MAGI1: variants seen among roughly 807,000 people sequenced by gnomAD.
MAGI1 encodes membrane associated guanylate kinase, WW and PDZ domain containing 1, also known as membrane-associated guanylate kinase, WW and PDZ domain-containing protein 1.
In MAGI1, 58 loss-of-function variants were observed where a neutral mutation model predicts 139.9. That is an observed-to-expected ratio of 0.41 (90% confidence interval 0.34 to 0.52). The LOEUF is 0.52. Ranked by LOEUF, MAGI1 falls within the 20% of genes least tolerant of loss-of-function variation. The pLI is 0.12. For synonymous variants in MAGI1, 812 were observed against 737.9 expected (o/e 1.10, Z -1.63); for missense variants, 1,874 against 1,901.6 (o/e 0.99, Z 0.27).
chr3:65,625,432 C>A (rs1314479687), intron 1 of MAGI1, among the ~76,000 whole-genome samples: 2 of 152,112 alleles, frequency 1.3e-5, no homozygotes. Context: ...TTAAGCCAGA[C>A]GTGCCTACTT....
intron 2 of MAGI1, among the ~76,000 whole-genome samples, chr3:65,563,564 GA>G (rs2080470091): frequency 6.6e-6 from 1 of 152,200 alleles, no homozygotes. Context: ...ACCCTAGGGA[GA>G]AGTCCACATA....
At chr3:65,791,199 G>A (rs567099242) in intron 1 of MAGI1, among the ~76,000 whole-genome samples, 55 of 152,242 alleles carry the variant, frequency 3.6e-4, no homozygotes, top group Admixed American at 2.6e-3. Flanking sequence ...ACCTCTCTTC[G>A]CTCCAAGCCA....
intron 1 of MAGI1, among the ~76,000 whole-genome samples, chr3:65,773,770 C>G (rs1414278631): frequency 6.6e-6 from 1 of 152,186 alleles, no homozygotes; most frequent in Middle Eastern, 3.2e-3. Flanking sequence ...TTCTTTGTGT[C>G]TCAGACTGCC....
At chr3:65,991,338 C>CTGTAA (rs1218682545) in intron 1 of MAGI1, among the ~76,000 whole-genome samples, 1 of 143,770 alleles carries the variant, frequency 7.0e-6, no homozygotes, top group African/African-American at 2.6e-5. Context: ...GTTAATGATA[C>CTGTAA]TGTAATATAT....
Position 65,838,310 on chromosome 3 carries a change from C to G in MAGI1, c.313+199686G>C, listed in dbSNP as rs115885742. ...CTGGGTGACAGAGTGAGACTCAAAACAAAACAAAACAAAACAAAAACAAAA... is the reference window on the plus strand; with the variant it reads ...CTGGGTGACAGAGTGAGACTCAAAAGAAAACAAAACAAAACAAAAACAAAA... On this transcript the variant is annotated intron_variant, in intron 1 of 22. Coordinates refer to ENST00000402939, the MANE Select transcript of MAGI1 (RefSeq NM_001033057.2). Among the ~76,000 whole-genome samples, 1,038 of 152,036 alleles carry G rather than the reference C, an allele frequency of 6.8e-3. 9 individuals carry two copies. Among genetic ancestry groups the G allele is most frequent in the African/African-American group, 0.023 (973 of 41,452 alleles).
intron 12 of MAGI1, among the ~76,000 whole-genome samples, chr3:65,411,634 G>A (rs1232100885): frequency 6.6e-6 from 1 of 152,180 alleles, no homozygotes; most frequent in Non-Finnish European, 1.5e-5. Context: ...ACCTATCACT[G>A]TAATTGGTGC....
chr3:65,624,735 A>T (rs1431877828), intron 1 of MAGI1, among the ~76,000 whole-genome samples: 1 of 152,236 alleles, frequency 6.6e-6, no homozygotes, highest in Non-Finnish European at 1.5e-5. Flanking sequence ...AAGGACTTCT[A>T]CATGACTTCT....
chr3:65,974,065 AG>A (rs1186423830), intron 1 of MAGI1, among the ~76,000 whole-genome samples: 1 of 152,144 alleles, frequency 6.6e-6, no homozygotes, highest in African/African-American at 2.4e-5. Context: ...ATATTAAAAA[AG>A]GAAAGGTACA....
At chr3:65,896,988 C>T (rs1343794361) in intron 1 of MAGI1, among the ~76,000 whole-genome samples, 1 of 152,158 alleles carries the variant, frequency 6.6e-6, no homozygotes, top group Non-Finnish European at 1.5e-5. Flanking sequence ...TCCACAGATG[C>T]TCACATCTCT....
intron 1 of MAGI1, among the ~76,000 whole-genome samples, chr3:65,975,411 A>C (rs2107219449): frequency 6.6e-6 from 1 of 152,256 alleles, no homozygotes; most frequent in South Asian, 2.1e-4. Flanking sequence ...TAAGGCATAA[A>C]ATTTAAGAAA....
chr3:65,476,672 G>T (rs1950909744), intron 4 of MAGI1, among the ~76,000 whole-genome samples: 1 of 152,150 alleles, frequency 6.6e-6, no homozygotes, highest in Non-Finnish European at 1.5e-5. Context: ...GAACTGTTTT[G>T]CCGCACACTA....
At chr3:65,369,910 G>A (rs1337036609) in intron 18 of MAGI1, among the ~76,000 whole-genome samples, 1 of 152,168 alleles carries the variant, frequency 6.6e-6, no homozygotes, top group African/African-American at 2.4e-5. Flanking sequence ...GCCACTTGAT[G>A]AAGTAAATAT....
chr3:65,582,350 G>A (rs2081474708), intron 2 of MAGI1, among the ~76,000 whole-genome samples: 1 of 152,172 alleles, frequency 6.6e-6, no homozygotes, highest in Non-Finnish European at 1.5e-5. Flanking sequence ...CGTGGGAGAG[G>A]CTCGGCCCTG....
intron 1 of MAGI1, among the ~76,000 whole-genome samples, chr3:65,970,988 G>A (rs2064989599): frequency 6.6e-6 from 1 of 152,110 alleles, no homozygotes; most frequent in Non-Finnish European, 1.5e-5. Context: ...GCGGATCACG[G>A]GTACAAGAGA....
intron 1 of MAGI1, among the ~76,000 whole-genome samples, chr3:65,643,833 G>A (rs909820057): frequency 7.9e-5 from 12 of 152,108 alleles, no homozygotes; most frequent in African/African-American, 2.9e-4. Context: ...ATTGAATGGG[G>A]AGCTTAGAAT....
chr3:65,793,230 G>A (rs2108080121), intron 1 of MAGI1, among the ~76,000 whole-genome samples: 1 of 152,308 alleles, frequency 6.6e-6, no homozygotes, highest in Admixed American at 6.5e-5. Flanking sequence ...CGCTCTCAGG[G>A]CTTAGCCAGT....
intron 1 of MAGI1, among the ~76,000 whole-genome samples, chr3:65,815,165 G>T (rs1358773694): frequency 1.3e-5 from 2 of 152,180 alleles, no homozygotes; most frequent in Non-Finnish European, 2.9e-5. Flanking sequence ...AAATCTCAAT[G>T]ATTCAAGGGA....
intron 1 of MAGI1, among the ~76,000 whole-genome samples, chr3:65,837,300 CTG>C (rs1465242988): frequency 6.6e-6 from 1 of 152,188 alleles, no homozygotes; most frequent in Non-Finnish European, 1.5e-5. Context: ...TCTACAGCAG[CTG>C]TCTGAACAAC....
intron 18 of MAGI1, chr3:65,371,959 C>T (rs1322115458): frequency 2.4e-6 from 1 of 422,218 alleles, no homozygotes. Context: ...GTCTCGAAAC[C>T]CCTCAAAGTC....
Sources: allele counts gnomAD v4.1 joint callset (sites outside exome capture counted in the v4.1 genomes callset), GRCh38; gene constraint gnomAD v4.1.1; transcripts MANE v1.5; gene names NCBI Gene and HGNC (gene_info 2026-07-23, HGNC 2026-07-21).